PDE10A: variants seen among roughly 807,000 people sequenced by gnomAD.
PDE10A encodes phosphodiesterase 10A.
Under a neutral mutation model 97.7 loss-of-function variants are expected in PDE10A, and 39 were observed. That is an observed-to-expected ratio of 0.40 (90% CI 0.31 to 0.52). The LOEUF (loss-of-function observed/expected upper bound fraction) is 0.52, where lower values mean the gene tolerates loss of function less well. PDE10A is among the 20% of genes least tolerant of loss of function. The pLI is 0.56. For synonymous variants in PDE10A, 371 were observed against 376.8 expected, an observed-to-expected ratio of 0.98 and a Z score of 0.18; for missense variants, 731 against 1,047.8, an observed-to-expected ratio of 0.70 and a Z score of 4.17.
chr6:165,901,329 C>T (rs1782100262), intron 1 of PDE10A, among the ~76,000 whole-genome samples: 1 of 152,212 alleles, frequency 6.6e-6, no homozygotes, highest in African/African-American at 2.4e-5. Context: ...GTCTTCAATT[C>T]ACTTTCTAGA....
chr6:165,411,400 A>C (rs1018905960), intron 13 of PDE10A, among the ~76,000 whole-genome samples: 1 of 152,214 alleles, frequency 6.6e-6, no homozygotes, highest in African/African-American at 2.4e-5. Context: ...TAGTGTCTTC[A>C]TAAGAAGAGT....
At chr6:165,857,922 A>G (rs1268239717) in intron 1 of PDE10A, among the ~76,000 whole-genome samples, 1 of 152,206 alleles carries the variant, frequency 6.6e-6, no homozygotes, top group Non-Finnish European at 1.5e-5. Context: ...TAGGGTTGGC[A>G]TTGCCAAAAC....
In PDE10A at chr6:165,445,117, T is replaced by C. The variant is rs541472876; in HGVS notation, c.1194+3811A>G. ...GTGCAAAAGGCGAAATACAAAAATA[T>C]ATACATGTATCTGCTTACCTGTGCA... On this transcript the variant is annotated intron_variant, in intron 5 of 21. Transcript: ENST00000539869. 4.4e-3 allele frequency among the ~76,000 whole-genome samples: 676 copies of C among 152,306 alleles called. 4 individuals are homozygous for C. Among genetic ancestry groups the C allele is most frequent in the Non-Finnish European group, 5.8e-3 (394 of 68,018 alleles).
At chr6:165,352,074 G>T (rs781500963) in intron 18 of PDE10A, among the ~76,000 whole-genome samples, 11 of 152,064 alleles carry the variant, frequency 7.2e-5, no homozygotes, top group Non-Finnish European at 1.2e-4. Context: ...GGCTGGTCTC[G>T]AACTCCTGAC....
intron 1 of PDE10A, among the ~76,000 whole-genome samples, chr6:165,796,494 C>T (rs1473559765): frequency 6.6e-6 from 1 of 152,196 alleles, no homozygotes; most frequent in Non-Finnish European, 1.5e-5. Flanking sequence ...AGAGCCAAGA[C>T]AGAGACAGCT....
In PDE10A at chr6:165,378,595, C is replaced by T. The variant is rs1784755342; in HGVS notation, c.2783+599G>A. ...ACACCCATCCTCAAAAACAAAAGGG[C>T]ATCAGACTAATTTAGCCTGATTCCA... is the stretch of plus-strand genomic sequence containing the variant. On this transcript the variant is annotated intron_variant, in intron 18 of 21. Coordinates refer to ENST00000539869, the MANE Select transcript of PDE10A (RefSeq NM_001385079.1). Among the ~76,000 whole-genome samples the T allele has an allele frequency of 2.0e-5, 3 of 152,192 alleles. No individual in the cohort carries two copies. In the South Asian group the frequency reaches 6.2e-4, roughly 31 times the overall value.
chr6:165,360,194 A>G (rs1184147332), intron 18 of PDE10A, among the ~76,000 whole-genome samples: 2 of 152,086 alleles, frequency 1.3e-5, no homozygotes, highest in African/African-American at 4.8e-5. Flanking sequence ...GATCCCTACA[A>G]TCTCCGTGGG....
At chr6:165,410,684 G>A (rs1215254739) in intron 13 of PDE10A, among the ~76,000 whole-genome samples, 1 of 152,042 alleles carries the variant, frequency 6.6e-6, no homozygotes, top group African/African-American at 2.4e-5. Flanking sequence ...GCTCAGTGAC[G>A]AAGCACATGC....
intron 1 of PDE10A, among the ~76,000 whole-genome samples, chr6:165,554,136 G>C (rs1165973655): frequency 6.6e-6 from 1 of 152,018 alleles, no homozygotes; most frequent in Non-Finnish European, 1.5e-5. Flanking sequence ...ATAAGCATAG[G>C]CAACCAAAGT....
chr6:165,570,472 A>G (rs1784998513), intron 1 of PDE10A, among the ~76,000 whole-genome samples: 1 of 152,180 alleles, frequency 6.6e-6, no homozygotes, highest in Non-Finnish European at 1.5e-5. Context: ...AAACATACAC[A>G]CTTGAATTTT....
chr6:165,342,753 G>A lies in PDE10A; in HGVS notation c.2895+638C>T, dbSNP rs140084393. ...GGCCTAGGTATCCGTGACTCATTTG[G>A]ATGGGAGAATGATATTCTACTTACT... On this transcript the variant is annotated intron_variant, in intron 19 of 21. Transcript: ENST00000539869. Among the ~76,000 whole-genome samples, 1,318 of 152,336 alleles carry A rather than the reference G, an allele frequency of 8.7e-3. 17 individuals carry two copies. Among genetic ancestry groups the A allele is most frequent in the African/African-American group, 0.03 (1,246 of 41,568 alleles).
chr6:165,504,949 C>T (rs1315496881), intron 2 of PDE10A, among the ~76,000 whole-genome samples: 4 of 152,140 alleles, frequency 2.6e-5, no homozygotes, highest in African/African-American at 9.7e-5. Flanking sequence ...AAAGGCAGGG[C>T]CTGCGGTTCC....
At position 165,339,353 on chromosome 6, in the gene PDE10A, A is replaced by T. The variant is rs1334556300; in HGVS notation, c.2901T>A (p.Asp967Glu). ...DIYAEFWAEG[D>E]EMKKLGIQPI... is the part of the protein sequence containing the mutation. ...GCTGTATTCCCAATTTCTTCATTTC[A>T]TCACCCTAAGATGAATGGGGAGAAA... Residue 967 changes from aspartate (D) to glutamate (E), a missense_variant, in exon 20 of 22, where the codon GAT becomes GAA. Around this residue, in one of 8 missense-constraint regions of PDE10A, gnomAD observed 96 missense variants for 156.7 expected, o/e 0.61. Transcript: ENST00000539869. The T allele has an allele frequency of 1.3e-6, 2 of 1,583,678 alleles. No individual in the cohort carries two copies.
At chr6:165,965,954 G>A (rs1270891351) in intron 1 of PDE10A, among the ~76,000 whole-genome samples, 1 of 152,178 alleles carries the variant, frequency 6.6e-6, no homozygotes, top group Non-Finnish European at 1.5e-5. Context: ...TATATTATTA[G>A]GGGTGAACTG....
At chr6:165,855,022 AATGAATGAATGC>A (rs1276267023) in intron 1 of PDE10A, among the ~76,000 whole-genome samples, 89 of 141,172 alleles carry the variant, frequency 6.3e-4, no homozygotes, top group African/African-American at 2.2e-3. Context: ...TGAATGAATG[AATGAATGAATGC>A]ATGAATGAAT....
chr6:165,838,859 T>C (rs1465167169), intron 1 of PDE10A, among the ~76,000 whole-genome samples: 1 of 152,244 alleles, frequency 6.6e-6, no homozygotes, highest in Non-Finnish European at 1.5e-5. Context: ...GCACTACCTG[T>C]GATCTGAAGG....
upstream of PDE10A, among the ~76,000 whole-genome samples, chr6:165,665,551 T>C (rs779709981): frequency 1.3e-5 from 2 of 152,232 alleles, no homozygotes; most frequent in African/African-American, 4.8e-5. Flanking sequence ...AAGGTTATTA[T>C]ACTATAGCTC....
At position 165,869,646 on chromosome 6, in the gene PDE10A, C is replaced by T. The variant is rs947748224; in HGVS notation, c.-615+117883G>A. Among the ~76,000 whole-genome samples, 6 of 152,074 alleles carry T rather than the reference C, an allele frequency of 3.9e-5. No homozygotes were observed. In the East Asian group the frequency reaches 1.2e-3, roughly 29 times the overall value. ...AAGACCATGAATAGCCAAAGCAATA[C>T]TGAACAAAAAGAACAAAGCTGAAAG... On this transcript the variant is annotated intron_variant, in intron 1 of 19. Coordinates refer to the PDE10A transcript ENST00000366882.
intron 1 of PDE10A, among the ~76,000 whole-genome samples, chr6:165,737,292 A>T (rs1017750118): frequency 4.6e-5 from 7 of 152,224 alleles, no homozygotes; most frequent in African/African-American, 1.7e-4. Flanking sequence ...TCATTTTATG[A>T]AGCCAACATT....
Sources: allele counts gnomAD v4.1 joint callset (sites outside exome capture counted in the v4.1 genomes callset), GRCh38; gene constraint gnomAD v4.1.1; regional missense constraint gnomAD v4.1.1; transcripts MANE v1.5; gene names NCBI Gene and HGNC (gene_info 2026-07-23, HGNC 2026-07-21).